Variants in NCKAP1 observed in about 807,000 individuals in gnomAD.
The protein encoded by NCKAP1 is NCK associated protein 1.
NCKAP1 carries 21 observed loss-of-function variants against 151.2 expected under a neutral mutation model. The ratio of observed to expected loss-of-function variants is 0.14; its 90% CI spans 0.10 to 0.20. The LOEUF (loss-of-function observed/expected upper bound fraction) is 0.20. Among genes scored for constraint, NCKAP1 ranks in the 10% least tolerant of loss-of-function variants. NCKAP1 has a pLI of 1.00. For missense variants in NCKAP1, 933 were observed against 1,352.1 expected, an observed-to-expected ratio of 0.69 and a Z score of 4.86; for synonymous variants, 484 against 451.8, an observed-to-expected ratio of 1.07 and a Z score of -0.90.
chr2:182,919,250 T>G lies in NCKAP1; in HGVS notation c.*6452A>C, dbSNP rs995899498. ...ATCACAAGTTCTGCCATCTGGGCCT[T>G]GCTTCAGACTGCAAAGACCCTTGTA... is the stretch of plus-strand genomic sequence containing the variant. On this transcript the variant is annotated 3_prime_UTR_variant, in exon 31 of 31. Coordinates refer to ENST00000361354, the MANE Select transcript of NCKAP1 (RefSeq NM_013436.5). The G allele has an allele frequency of 4.6e-5, 7 of 152,356 alleles. No individual in the cohort carries two copies. The highest frequency in any genetic ancestry group is 1.7e-4 in the African/African-American group (7 of 41,578). The allele number at this position is 152,356 out of a possible 1,614,324, so 9.4% of individuals were successfully genotyped here.
chr2:182,963,493 T>C (rs1281524897), intron 17 of NCKAP1, among the ~76,000 whole-genome samples: 1 of 152,182 alleles, frequency 6.6e-6, no homozygotes, highest in Non-Finnish European at 1.5e-5. Flanking sequence ...ATCTGACCTC[T>C]GCCTTTGGCT....
chr2:182,942,225 C>T, intron 23 of NCKAP1, 62 bp from the exon 24 acceptor site: 1 of 1,282,468 alleles, frequency 7.8e-7, no homozygotes, highest in African/African-American at 1.5e-5. Context: ...GAGATAAGAG[C>T]ATGCTTGGAA....
In NCKAP1 at chr2:182,922,994, C is replaced by T. The variant is rs905179014; in HGVS notation, c.*2708G>A. Reference sequence around the variant, plus strand: ...AGGCCATTGCCCATTTCCTGGGCAACAAGAGTGAAACTCCGTCTCAAGAAG... The same window carrying T: ...AGGCCATTGCCCATTTCCTGGGCAATAAGAGTGAAACTCCGTCTCAAGAAG... On this transcript the variant is annotated 3_prime_UTR_variant, in exon 31 of 31. Transcript: ENST00000361354. 1 of 152,146 alleles carries T rather than the reference C, an allele frequency of 6.6e-6. No homozygotes were observed. The highest frequency in any genetic ancestry group is 1.5e-5 in the Non-Finnish European group (1 of 68,056). The allele number at this position is 152,146 out of a possible 1,614,324, so 9.4% of individuals were successfully genotyped here. A position where few individuals can be genotyped will look rare whatever the true frequency, so the allele number is the denominator to read the frequency against.
At chr2:182,979,862 A>G (rs73980539) in intron 13 of NCKAP1, among the ~76,000 whole-genome samples, 25,527 of 151,992 alleles carry the variant, frequency 0.17, 4,171 homozygotes, top group African/African-American at 0.43. Context: ...ACAAATAATG[A>G]TAACTATATC....
At chr2:183,030,874 T>C (rs1178381884) in intron 1 of NCKAP1, among the ~76,000 whole-genome samples, 1 of 152,170 alleles carries the variant, frequency 6.6e-6, no homozygotes, top group Non-Finnish European at 1.5e-5. Flanking sequence ...AAGACTCAAA[T>C]TCATCAGTAG....
intron 13 of NCKAP1, among the ~76,000 whole-genome samples, chr2:182,980,758 T>G (rs1265849644): frequency 6.6e-6 from 1 of 152,166 alleles, no homozygotes; most frequent in Non-Finnish European, 1.5e-5. Context: ...TTACCAATTA[T>G]ATTGTCTCTA....
chr2:182,960,245 T>C (rs1434928813), intron 18 of NCKAP1, among the ~76,000 whole-genome samples: 2 of 152,158 alleles, frequency 1.3e-5, no homozygotes, highest in African/African-American at 4.8e-5. Flanking sequence ...AAAGTTCATA[T>C]GGAACCAAAA....
chr2:183,005,082 A>C (rs551733181), intron 2 of NCKAP1, among the ~76,000 whole-genome samples: 33 of 152,184 alleles, frequency 2.2e-4, no homozygotes, highest in Non-Finnish European at 4.3e-4. Context: ...TTACTACTCC[A>C]AAAACATAAA....
chr2:182,926,740 A>C, intron 30 of NCKAP1, 76 bp downstream of exon 30: 1 of 1,007,344 alleles, frequency 9.9e-7, no homozygotes, highest in Non-Finnish European at 1.5e-6. Flanking sequence ...GTATTCAATG[A>C]CTAAGATGCC....
intron 1 of NCKAP1, among the ~76,000 whole-genome samples, 182 bp from the exon 2 acceptor site, chr2:183,024,098 G>A (rs1351943225): frequency 6.6e-6 from 1 of 151,938 alleles, no homozygotes; most frequent in African/African-American, 2.4e-5. Context: ...GTACAGAGAT[G>A]TTCTTCTACT....
intron 10 of NCKAP1, among the ~76,000 whole-genome samples, chr2:182,983,735 T>C (rs1697988090): frequency 6.6e-6 from 1 of 152,218 alleles, no homozygotes; most frequent in Admixed American, 6.5e-5. Context: ...TTATAGACTA[T>C]GAAGTTCTTG....
At chr2:183,027,004 T>A (rs1434921342) in intron 1 of NCKAP1, among the ~76,000 whole-genome samples, 1 of 152,210 alleles carries the variant, frequency 6.6e-6, no homozygotes, top group Non-Finnish European at 1.5e-5. Flanking sequence ...CAATCCCCTC[T>A]CTCAATCAAA....
In NCKAP1 at chr2:183,001,518, TC is replaced by T. The variant is rs1575058238; in HGVS notation, c.603+434del. Among the ~76,000 whole-genome samples the T allele has an allele frequency of 3.3e-5, 5 of 152,218 alleles. No individual in the cohort carries two copies. In the South Asian group the frequency reaches 6.2e-4, roughly 19 times the overall value. On this transcript the variant is annotated intron_variant, in intron 6 of 30. Coordinates refer to ENST00000361354, the MANE Select transcript of NCKAP1 (RefSeq NM_013436.5). ...ACACTGTACTTTTTAATGAAGTAAT[TC>T]ATTTAATTCTCATAAGAACCATATG...
At chr2:182,936,153 G>A (rs1373043800) in intron 24 of NCKAP1, among the ~76,000 whole-genome samples, 2 of 152,060 alleles carry the variant, frequency 1.3e-5, no homozygotes, top group Non-Finnish European at 1.5e-5. Context: ...TAGTACTTGG[G>A]AGGCTAAGAT....
At chr2:182,949,479 C>T (rs1342453408) in intron 23 of NCKAP1, among the ~76,000 whole-genome samples, 1 of 152,148 alleles carries the variant, frequency 6.6e-6, no homozygotes, top group African/African-American at 2.4e-5. Context: ...AAGTGAAGAT[C>T]TTAGAAAAGT....
Position 182,919,216 on chromosome 2 carries a change from C to T in NCKAP1, c.*6486G>A, listed in dbSNP as rs1696511575. 6.6e-6 allele frequency: 1 copy of T among 152,206 alleles called. No homozygotes were observed. The highest frequency in any genetic ancestry group is 1.5e-5 in the Non-Finnish European group (1 of 68,042). 9.4% of individuals were successfully genotyped at this position (152,206 alleles called of 1,614,324 possible). A position where few individuals can be genotyped will look rare whatever the true frequency, so the allele number is the denominator to read the frequency against. ...CTACCAGTTAAGGTCAAATTTTCCC[C>T]TCCTAGCCATCACAAGTTCTGCCAT... On this transcript the variant is annotated 3_prime_UTR_variant, in exon 31 of 31. Transcript: ENST00000361354.
chr2:182,962,036 G>C, intron 18 of NCKAP1, 123 bp downstream of exon 18: 1 of 982,302 alleles, frequency 1.0e-6, no homozygotes. Flanking sequence ...TCACAGCAGA[G>C]GTTTGAGGTT....
intron 20 of NCKAP1, 88 bp downstream of exon 20, chr2:182,956,374 T>C: frequency 1.3e-6 from 2 of 1,482,794 alleles, no homozygotes; most frequent in Non-Finnish European, 9.2e-7. Flanking sequence ...CCAGTTCTAC[T>C]AATGCTTTTC....
At chr2:182,974,397 C>T (rs982042347) in intron 15 of NCKAP1, among the ~76,000 whole-genome samples, 1 of 152,084 alleles carries the variant, frequency 6.6e-6, no homozygotes, top group African/African-American at 2.4e-5. Context: ...TCCTAACCCC[C>T]AGTACCTCAG....
Sources: gnomAD v4.1 joint callset for allele counts (sites outside exome capture counted in the v4.1 genomes callset) on GRCh38, gnomAD v4.1.1 for gene constraint, MANE v1.5 for transcripts, NCBI Gene and HGNC (gene_info 2026-07-23, HGNC 2026-07-21) for gene names.